The following DNAH9 variants were observed in gnomAD, a reference collection of about 807,000 sequenced individuals.
DNAH9 encodes the protein dynein axonemal heavy chain 9.
In DNAH9, 345 loss-of-function variants were observed where a neutral mutation model predicts 471.6. The ratio of observed to expected loss-of-function variants is 0.73; its 90% CI spans 0.67 to 0.80. DNAH9 has a LOEUF of 0.80. DNAH9 is among the 30% of genes least tolerant of loss of function. The pLI is 0.00. For missense variants in DNAH9, 5,407 were observed against 5,609.2 expected (o/e 0.96, Z 1.15); for synonymous variants, 2,093 against 2,123.6 (o/e 0.99, Z 0.40).
intron 50 of DNAH9, among the ~76,000 whole-genome samples, chr17:11,860,760 C>T (rs1198806251): frequency 6.6e-6 from 1 of 152,098 alleles, no homozygotes; most frequent in Admixed American, 6.5e-5. Context: ...GAGGTTTTTC[C>T]ATGTTAGTCA....
At chr17:11,837,979 T>A (rs1464508750) in intron 49 of DNAH9, among the ~76,000 whole-genome samples, 1 of 152,018 alleles carries the variant, frequency 6.6e-6, no homozygotes, top group Non-Finnish European at 1.5e-5. Context: ...AGTCACCTCA[T>A]CAGGAAGCAA....
intron 38 of DNAH9, among the ~76,000 whole-genome samples, chr17:11,772,601 A>G (rs1047771448): frequency 6.6e-6 from 1 of 152,178 alleles, no homozygotes; most frequent in Non-Finnish European, 1.5e-5. Flanking sequence ...TAGTGACTAC[A>G]AAAAAATCTC....
chr17:11,666,579 G>A (rs2073871988), intron 15 of DNAH9, among the ~76,000 whole-genome samples: 1 of 152,172 alleles, frequency 6.6e-6, no homozygotes, highest in South Asian at 2.1e-4. Flanking sequence ...CTGATCTGAA[G>A]CACTATAGAT....
intron 28 of DNAH9, among the ~76,000 whole-genome samples, chr17:11,731,597 T>C (rs548773025): frequency 7.4e-6 from 1 of 134,572 alleles, no homozygotes; most frequent in East Asian, 2.3e-4. Context: ...CCCCTTCCTA[T>C]GTCCATGTGT....
chr17:11,813,595 G>A (rs187304674), intron 45 of DNAH9, among the ~76,000 whole-genome samples: 2 of 152,254 alleles, frequency 1.3e-5, no homozygotes, highest in African/African-American at 2.4e-5. Context: ...CAAGTCCTAC[G>A]AGGTTGGATA....
At chr17:11,828,438 A>C (rs553789302) in intron 48 of DNAH9, among the ~76,000 whole-genome samples, 4 of 146,412 alleles carry the variant, frequency 2.7e-5, no homozygotes, top group Admixed American at 7.1e-5. Context: ...GCACCATTGC[A>C]CTCCAGCCTG....
In DNAH9 at chr17:11,647,599, A is replaced by T. The variant is rs532699576; in HGVS notation, c.2097+401A>T. Reference sequence around the variant, plus strand: ...AAAGATCACCAATCATTTGGTAACAAACATAGCCCACTGGGCCTACCTTGA... The same window carrying T: ...AAAGATCACCAATCATTTGGTAACATACATAGCCCACTGGGCCTACCTTGA... On this transcript the variant is annotated intron_variant, in intron 12 of 68. Transcript: ENST00000262442. 2.0e-5 allele frequency among the ~76,000 whole-genome samples: 3 copies of T among 152,326 alleles called. No homozygotes were observed. The South Asian group carries it at 6.2e-4, about 32-fold the overall frequency.
At chr17:11,709,397 C>T (rs1462632749) in intron 26 of DNAH9, among the ~76,000 whole-genome samples, 1 of 151,988 alleles carries the variant, frequency 6.6e-6, no homozygotes, top group East Asian at 1.9e-4. Flanking sequence ...ATGTTTTTTG[C>T]ACAGAAAAAA....
Position 11,962,182 on chromosome 17 carries a change from G to C in DNAH9, c.13159G>C (p.Glu4387Gln). 1 of 1,614,186 alleles carries C rather than the reference G, an allele frequency of 6.2e-7. No homozygotes were observed. The highest frequency in any genetic ancestry group is 8.5e-7 in the Non-Finnish European group (1 of 1,180,042). Residue 4387 changes from glutamate (E) to glutamine (Q), a missense_variant, in exon 68 of 69, where the codon GAG (glutamate) becomes CAG (glutamine). Coordinates refer to ENST00000262442, the MANE Select transcript of DNAH9 (RefSeq NM_001372.4). The surrounding 1 kb of genome is among the most constrained non-coding windows in gnomAD (Gnocchi z 4.1). Reference protein sequence around the residue: ...QCDMTKKNREEFRSPPREGAY... With the variant: ...QCDMTKKNREQFRSPPREGAY... Reference sequence around the variant, plus strand: ...TGACATGACGAAGAAGAACAGAGAAGAGTTTAGGAGTCCTCCTCGGGAAGG... The same window carrying C: ...TGACATGACGAAGAAGAACAGAGAACAGTTTAGGAGTCCTCCTCGGGAAGG...
intron 22 of DNAH9, 54 bp downstream of exon 22, chr17:11,694,501 C>G: frequency 6.2e-7 from 1 of 1,604,244 alleles, no homozygotes; most frequent in Admixed American, 1.7e-5. Flanking sequence ...GGGTGCCCAG[C>G]AGGAGGCAGT....
rs140490013 is a variant in DNAH9 at position 11,948,135 on chromosome 17, C to T, written c.12843+5650C>T. 9.2e-4 allele frequency among the ~76,000 whole-genome samples: 140 copies of T among 151,850 alleles called. No homozygotes were observed. The East Asian group carries it at 0.021, about 23-fold the overall frequency. On this transcript the variant is annotated intron_variant, in intron 67 of 68. Coordinates refer to ENST00000262442, the MANE Select transcript of DNAH9 (RefSeq NM_001372.4). ...TTTTCTATGCTTCAGTGGTTGATTG[C>T]CCCTCCTGATTGACAAAATCTGTTT... is the stretch of plus-strand genomic sequence containing the variant.
At chr17:11,707,305 A>AT (rs1321614722) in intron 26 of DNAH9, among the ~76,000 whole-genome samples, 1 of 152,182 alleles carries the variant, frequency 6.6e-6, no homozygotes, top group Non-Finnish European at 1.5e-5. Flanking sequence ...AATCTGTGCT[A>AT]TTTTTTGACT....
chr17:11,947,738 T>C (rs932725785), intron 67 of DNAH9, among the ~76,000 whole-genome samples: 3 of 150,418 alleles, frequency 2.0e-5, no homozygotes, highest in Admixed American at 6.6e-5. Context: ...GATGGAGCCA[T>C]GGCCAGCCCA....
intron 35 of DNAH9, among the ~76,000 whole-genome samples, chr17:11,758,039 T>C (rs563648783): frequency 3.9e-4 from 60 of 152,286 alleles, no homozygotes; most frequent in Middle Eastern, 6.8e-3. Context: ...GCATTTGTAA[T>C]AAGTAATCCA....
chr17:11,824,526 T>C (rs1011629860), intron 48 of DNAH9, among the ~76,000 whole-genome samples: 30 of 152,304 alleles, frequency 2.0e-4, no homozygotes, highest in African/African-American at 7.0e-4. Context: ...CTGTGCCCCA[T>C]ATCTGTTATG....
chr17:11,928,808 C>G (rs1597837836), intron 62 of DNAH9, among the ~76,000 whole-genome samples: 1 of 152,304 alleles, frequency 6.6e-6, no homozygotes, highest in East Asian at 1.9e-4. Flanking sequence ...CAGTGCCTTT[C>G]AAATGTTAAC....
At chr17:11,894,639 G>A (rs555119883) in intron 59 of DNAH9, 143 bp downstream of exon 59, 87 of 1,081,960 alleles carry the variant, frequency 8.0e-5, no homozygotes, top group East Asian at 1.8e-4. Context: ...CTTTCCTTGC[G>A]TCCCCACAGT....
At position 11,693,917 on chromosome 17, in the gene DNAH9, A is replaced by G; in HGVS notation, c.4664A>G (p.Tyr1555Cys). The change falls in exon 21 of 69, where the codon TAT becomes TGT. Residue 1555 changes from tyrosine (Y) to cysteine (C), a missense_variant. By Grantham distance (194) the Tyr-to-Cys change is radical (BLOSUM62 -2). This residue lies in a region of DNAH9 where 4,636 missense variants were observed against 4,900.3 expected (regional missense o/e 0.95). Coordinates refer to ENST00000262442, the MANE Select transcript of DNAH9 (RefSeq NM_001372.4). ...GIDIDFKELA[Y>C]DAQKIPNVVQ... Reference sequence around the variant, plus strand: ...GACATTGACTTTAAAGAGCTAGCTTATGATGCCCAGAAAATTCCAAATGTA... The same window carrying G: ...GACATTGACTTTAAAGAGCTAGCTTGTGATGCCCAGAAAATTCCAAATGTA... The G allele has an allele frequency of 4.3e-6, 7 of 1,614,150 alleles. No individual in the cohort carries two copies. Among genetic ancestry groups the G allele is most frequent in the Non-Finnish European group, 5.9e-6 (7 of 1,180,000 alleles).
chr17:11,789,101 T>C (rs1252175355), intron 41 of DNAH9, among the ~76,000 whole-genome samples: 1 of 152,078 alleles, frequency 6.6e-6, no homozygotes, highest in Non-Finnish European at 1.5e-5. Flanking sequence ...TACATGCTCT[T>C]TTTTAAATAT....
Sources: gnomAD v4.1 joint callset for allele counts (sites outside exome capture counted in the v4.1 genomes callset) on GRCh38, gnomAD v4.1.1 for gene constraint, gnomAD v4.1.1 regional missense constraint, Gnocchi (gnomAD v3.1) non-coding constraint, MANE v1.5 for transcripts, NCBI Gene and HGNC (gene_info 2026-07-23, HGNC 2026-07-21) for gene names.